The following PIGR variants were observed in gnomAD, a reference collection of about 807,000 sequenced individuals.
The protein encoded by PIGR is hepatocellular carcinoma associated protein TB6.
A neutral mutation model predicts 69.5 loss-of-function variants in PIGR; 22 were observed. The observed-to-expected ratio is 0.32, with a 90% CI of 0.23 to 0.45. PIGR has a LOEUF of 0.45. Among genes scored for constraint, PIGR ranks in the 20% least tolerant of loss-of-function variants. PIGR has a pLI of 1.00. For synonymous variants in PIGR, 413 were observed against 407.6 expected, an observed-to-expected ratio of 1.01 and a Z score of -0.16; for missense variants, 885 against 974.0, an observed-to-expected ratio of 0.91 and a Z score of 1.22.
chr1:206,940,546 G>C lies in PIGR; in HGVS notation c.-15C>G, dbSNP rs767966298. ...AAGAGCAGCATTGCTGGTGGGTCCCGAGCGCCGCACCACTCAGGCCGACTT... is the reference window on the plus strand; with the variant it reads ...AAGAGCAGCATTGCTGGTGGGTCCCCAGCGCCGCACCACTCAGGCCGACTT... On this transcript the variant is annotated 5_prime_UTR_variant, in exon 2 of 11. Transcript: ENST00000356495. The C allele has an allele frequency of 1.3e-6, 2 of 1,550,906 alleles. No individual in the cohort carries two copies. The highest frequency in any genetic ancestry group is 2.0e-5 in the Admixed American group (1 of 50,858).
At chr1:206,932,412 G>A in intron 8 of PIGR, 44 bp downstream of exon 8, 1 of 1,577,158 alleles carries the variant, frequency 6.3e-7, no homozygotes, top group African/African-American at 1.4e-5. Flanking sequence ...AGGACTGAGG[G>A]CTCGGGTTGG....
chr1:206,937,422 G>A lies in PIGR; in HGVS notation c.718C>T (p.Pro240Ser). The A allele has an allele frequency of 6.2e-7, 1 of 1,614,140 alleles. No individual in the cohort carries two copies. Among genetic ancestry groups the A allele is most frequent in the Non-Finnish European group, 8.5e-7 (1 of 1,179,988 alleles). Reference protein sequence around the residue: ...KKNADLQVLKPEPELVYEDLR... With the variant: ...KKNADLQVLKSEPELVYEDLR... ...TCTTCATAAACCAGCTCGGGCTCGG[G>A]CTTTAGCACTTGGAGGTCAGCATTC... is the stretch of plus-strand genomic sequence containing the variant. The change falls in exon 4 of 11, where the codon CCC (proline) becomes TCC (serine). Residue 240 changes from proline to serine, a missense_variant. Pro to Ser is a moderately conservative substitution (Grantham distance 74). Coordinates refer to ENST00000356495, the MANE Select transcript of PIGR (RefSeq NM_002644.4).
At chr1:206,942,876 ACAGTC>A (rs1326592826) in intron 1 of PIGR, among the ~76,000 whole-genome samples, 1 of 152,230 alleles carries the variant, frequency 6.6e-6, no homozygotes, top group African/African-American at 2.4e-5. Flanking sequence ...CGGGATGCAC[ACAGTC>A]CAGTCCTAGA....
At position 206,937,390 on chromosome 1, in the gene PIGR, C is replaced by G; in HGVS notation, c.750G>C (p.Arg250Ser). The G allele has an allele frequency of 6.2e-7, 1 of 1,614,062 alleles. No individual in the cohort carries two copies. The highest frequency in any genetic ancestry group is 1.1e-5 in the South Asian group (1 of 91,076). Reference sequence around the variant, plus strand: ...GGGCACAGTGGAAGGTCACTGAGCCCCTCAGGTCTTCATAAACCAGCTCGG... The same window carrying G: ...GGGCACAGTGGAAGGTCACTGAGCCGCTCAGGTCTTCATAAACCAGCTCGG... The part of the protein sequence containing the change: ...PEPELVYEDL[R>S]GSVTFHCALG... Residue 250 changes from arginine (R) to serine (S), a missense_variant, in exon 4 of 11, where the codon AGG becomes AGC. By Grantham distance (110) the Arg-to-Ser change is moderately radical (BLOSUM62 -1). Transcript: ENST00000356495.
chr1:206,938,949 T>C (rs1297346999), intron 3 of PIGR, among the ~76,000 whole-genome samples, 170 bp downstream of exon 3: 2 of 152,190 alleles, frequency 1.3e-5, no homozygotes, highest in East Asian at 3.8e-4. Context: ...AAGTAGGCCC[T>C]ATCTGTCTCC....
intron 1 of PIGR, 52 bp from the exon 2 acceptor site, chr1:206,940,636 A>G: frequency 8.8e-7 from 1 of 1,139,286 alleles, no homozygotes; most frequent in Non-Finnish European, 1.2e-6. Context: ...TTCCAAGACT[A>G]GTTGACCTTA....
chr1:206,937,056 A>T, intron 4 of PIGR, 39 bp downstream of exon 4: 3 of 1,513,896 alleles, frequency 2.0e-6, no homozygotes, highest in Non-Finnish European at 2.6e-6. Flanking sequence ...CACCTGCGAG[A>T]CTGCCCCACC....
Position 206,935,637 on chromosome 1 carries a change from G to A in PIGR, c.1227C>T (p.Tyr409=), listed in dbSNP as rs754796521. Reference sequence around the variant, plus strand: ...CCTCCAGCAGGGAGAGGCGGCCCTCGTACTGGGCCTTAACCCACCCCTCGC... The same window carrying A: ...CCTCCAGCAGGGAGAGGCGGCCCTCATACTGGGCCTTAACCCACCCCTCGC... The part of the protein sequence containing the change: ...VDSEGWVKAQ[Y]EGRLSLLEEP... Residue 409 remains tyrosine, a synonymous_variant, in exon 5 of 11, where the codon TAC becomes TAT. Transcript: ENST00000356495. The surrounding 1 kb of genome is among the most constrained non-coding windows in gnomAD (Gnocchi z 4.4). 16 of 1,613,922 alleles carry A rather than the reference G, an allele frequency of 9.9e-6. No homozygotes were observed. Among genetic ancestry groups the A allele is most frequent in the Middle Eastern group, 1.6e-4 (1 of 6,084 alleles).
Position 206,933,544 on chromosome 1 carries a change from C to T in PIGR, c.1706-378G>A, listed in dbSNP as rs35232515. Among the ~76,000 whole-genome samples the T allele has an allele frequency of 3.9e-3, 601 of 152,246 alleles. 1 individual carries two copies. The highest frequency in any genetic ancestry group is 0.02 in the Middle Eastern group (6 of 294). Reference sequence around the variant, plus strand: ...CCCTGGAGGTAGCCTGGCGATGGGCCCCTCAGTGAGTCCCATCCGCAGGGT... The same window carrying T: ...CCCTGGAGGTAGCCTGGCGATGGGCTCCTCAGTGAGTCCCATCCGCAGGGT... On this transcript the variant is annotated intron_variant, in intron 6 of 10. Coordinates refer to ENST00000356495, the MANE Select transcript of PIGR (RefSeq NM_002644.4).
At chr1:206,945,006 G>A (rs993731916) in intron 1 of PIGR, among the ~76,000 whole-genome samples, 1 of 152,180 alleles carries the variant, frequency 6.6e-6, no homozygotes, top group African/African-American at 2.4e-5. Context: ...TTTACTAAAT[G>A]GAAGCCTGTG....
At chr1:206,932,665 C>A in intron 7 of PIGR, 88 bp from the exon 8 acceptor site, 1 of 1,448,754 alleles carries the variant, frequency 6.9e-7, no homozygotes, top group Non-Finnish European at 9.2e-7. Context: ...GTCCTTTTTC[C>A]TCCCAGGTTT....
intron 1 of PIGR, among the ~76,000 whole-genome samples, chr1:206,945,607 G>A: frequency 6.6e-6 from 1 of 152,184 alleles, no homozygotes; most frequent in East Asian, 1.9e-4. Flanking sequence ...ACACATTTAT[G>A]TCTCCCATGG....
At position 206,932,587 on chromosome 1, in the gene PIGR, G is replaced by A. The variant is rs1679778417; in HGVS notation, c.1887-10C>T. 4 of 1,605,788 alleles carry A rather than the reference G, an allele frequency of 2.5e-6. No individual in the cohort carries two copies. The highest frequency in any genetic ancestry group is 3.4e-6 in the Non-Finnish European group (4 of 1,176,140). Reference sequence around the variant, plus strand: ...ACCTTGTTCCTCAGAGCTGGAAGAAGGCTTAAGTTAGTTCATCCCTGGAAG... The same window carrying A: ...ACCTTGTTCCTCAGAGCTGGAAGAAAGCTTAAGTTAGTTCATCCCTGGAAG... On this transcript the variant is annotated splice_polypyrimidine_tract_variant and intron_variant, in intron 7 of 10. Coordinates refer to ENST00000356495, the MANE Select transcript of PIGR (RefSeq NM_002644.4).
At chr1:206,946,120 A>T (rs551164269) in intron 1 of PIGR, among the ~76,000 whole-genome samples, 1 of 152,226 alleles carries the variant, frequency 6.6e-6, no homozygotes, top group African/African-American at 2.4e-5. Flanking sequence ...TCAGAAAAGG[A>T]TGGGGGGCTT....
intron 9 of PIGR, 37 bp from the exon 10 acceptor site, chr1:206,931,592 C>A (rs772640113): frequency 1.2e-6 from 2 of 1,613,736 alleles, no homozygotes; most frequent in East Asian, 4.5e-5. Flanking sequence ...CCCTTACTAG[C>A]CTCCTTTTCC....
chr1:206,930,454 G>GCT lies in PIGR; in HGVS notation c.2200-43_2200-42dup. The GCT allele has an allele frequency of 1.9e-6, 3 of 1,593,034 alleles. No homozygotes were observed. The highest frequency in any genetic ancestry group is 2.6e-6 in the Non-Finnish European group (3 of 1,169,532). On this transcript the variant is annotated intron_variant, in intron 10 of 10. Coordinates refer to ENST00000356495, the MANE Select transcript of PIGR (RefSeq NM_002644.4). This position sits in a 1 kb window ranked among gnomAD's most constrained non-coding sequence, Gnocchi z 4.3. ...AGAGGCATCAGTGTTGGGGGCACTG[G>GCT]CTCAGTGGGTGGAGTCAGGGGAGGG...
chr1:206,931,899 G>T, intron 8 of PIGR, 97 bp from the exon 9 acceptor site: 1 of 1,371,074 alleles, frequency 7.3e-7, no homozygotes. Context: ...CTGTAGCCCT[G>T]CAGGACAGCT....
chr1:206,939,836 C>T (rs1021643602), intron 2 of PIGR, among the ~76,000 whole-genome samples: 6 of 152,214 alleles, frequency 3.9e-5, no homozygotes, highest in Admixed American at 3.9e-4. Context: ...AAGCGATTCT[C>T]ATGCCTCAGC....
rs752057363 is a variant in PIGR, at chr1:206,934,454, G to A, written c.1671C>T (p.Ala557=). 5 of 1,614,012 alleles carry A rather than the reference G, an allele frequency of 3.1e-6. No homozygotes were observed. The highest frequency in any genetic ancestry group is 1.1e-5 in the South Asian group (1 of 91,070). Residue 557 remains alanine (A), a synonymous_variant, in exon 6 of 11, where the codon GCC becomes GCT. Transcript: ENST00000356495. Reference sequence around the variant, plus strand: ...TCCTCTCTTCAACTGCCACATAGACGGCTGCAGTCTCTCCATAGAAGTGGC... The same window carrying A: ...TCCTCTCTTCAACTGCCACATAGACAGCTGCAGTCTCTCCATAGAAGTGGC... ...KQGHFYGETA[A]VYVAVEERKA... is the part of the protein sequence containing the mutation.
Sources: gnomAD v4.1 joint callset for allele counts (sites outside exome capture counted in the v4.1 genomes callset) on GRCh38, gnomAD v4.1.1 for gene constraint, Gnocchi (gnomAD v3.1) non-coding constraint, MANE v1.5 for transcripts, NCBI Gene and HGNC (gene_info 2026-07-23, HGNC 2026-07-21) for gene names.